The following MED27 variants were observed in gnomAD, a reference collection of about 807,000 sequenced individuals.
The protein encoded by MED27 is mediator of RNA polymerase II transcription subunit 27.
MED27 carries 30 observed loss-of-function variants against 38.2 expected under a neutral mutation model. The observed-to-expected ratio is 0.79, with a 90% CI of 0.59 to 1.07. The LOEUF (loss-of-function observed/expected upper bound fraction) is 1.07. MED27 is among the 50% of genes least tolerant of loss of function. The pLI is 0.00. For synonymous variants in MED27, 122 were observed against 153.5 expected, an observed-to-expected ratio of 0.79 and a Z score of 1.52; for missense variants, 289 against 397.5, an observed-to-expected ratio of 0.73 and a Z score of 2.32.
At chr9:131,967,969 C>A (rs1183280424) in intron 3 of MED27, among the ~76,000 whole-genome samples, 1 of 152,034 alleles carries the variant, frequency 6.6e-6, no homozygotes, top group Non-Finnish European at 1.5e-5. Context: ...AGGCATCCAC[C>A]ACCATGCCCA....
rs988341643 is a variant in MED27 at position 132,035,480 on chromosome 9, A to T, written c.349-21013T>A. The stretch of plus-strand genomic sequence containing the variant: ...AGTGACAAAAAGGAGGACCATGAAA[A>T]ACGCACAGGGAAGCAGATGGGGGGT... On this transcript the variant is annotated intron_variant, in intron 2 of 7. Coordinates refer to ENST00000292035, the MANE Select transcript of MED27 (RefSeq NM_004269.4). Among the ~76,000 whole-genome samples, 28 of 152,246 alleles carry T rather than the reference A, an allele frequency of 1.8e-4. 1 individual carries two copies. Among genetic ancestry groups the T allele is most frequent in the African/African-American group, 6.3e-4 (26 of 41,536 alleles).
chr9:132,067,215 A>G (rs1833827599), intron 2 of MED27, among the ~76,000 whole-genome samples: 1 of 152,386 alleles, frequency 6.6e-6, no homozygotes, highest in South Asian at 2.1e-4. Flanking sequence ...TGCTTAGAAC[A>G]GCCCTGTGAG....
At chr9:131,905,429 G>C (rs1830035766) in intron 4 of MED27, among the ~76,000 whole-genome samples, 1 of 152,204 alleles carries the variant, frequency 6.6e-6, no homozygotes, top group Non-Finnish European at 1.5e-5. Flanking sequence ...GCCACCCAAG[G>C]AAGCTGCTGT....
At chr9:131,874,018 C>A (rs1838880467) in intron 6 of MED27, among the ~76,000 whole-genome samples, 1 of 152,214 alleles carries the variant, frequency 6.6e-6, no homozygotes, top group Non-Finnish European at 1.5e-5. Context: ...GGCCACTCCA[C>A]AGCCACCTAC....
intron 2 of MED27, among the ~76,000 whole-genome samples, chr9:132,052,578 TA>T (rs11368029): frequency 0.96 from 144,356 of 150,634 alleles, 69,278 homozygotes; most frequent in East Asian, 0.99. Context: ...CTCTCTCTTT[TA>T]AAAAAAAAAT....
rs142938596 is a variant in MED27, at chr9:131,975,252, T to C, written c.480-35778A>G. 1.8e-3 allele frequency among the ~76,000 whole-genome samples: 281 copies of C among 152,314 alleles called. 3 individuals are homozygous for C. Among genetic ancestry groups the C allele is most frequent in the African/African-American group, 6.4e-3 (268 of 41,558 alleles). On this transcript the variant is annotated intron_variant, in intron 3 of 7. Coordinates refer to ENST00000292035, the MANE Select transcript of MED27 (RefSeq NM_004269.4). Reference sequence around the variant, plus strand: ...ATAAATAGCAGCTTAGCATTGTACCTCCACTATGAGAAGTTCACCTACTTC... The same window carrying C: ...ATAAATAGCAGCTTAGCATTGTACCCCCACTATGAGAAGTTCACCTACTTC...
intron 2 of MED27, among the ~76,000 whole-genome samples, chr9:132,043,916 C>T (rs1476521910): frequency 6.6e-6 from 1 of 152,206 alleles, no homozygotes; most frequent in Non-Finnish European, 1.5e-5. Flanking sequence ...CATCTCCATA[C>T]CCAGTGCTGA....
At chr9:131,884,762 C>G (rs1038010623) in intron 5 of MED27, among the ~76,000 whole-genome samples, 1 of 151,960 alleles carries the variant, frequency 6.6e-6, no homozygotes, top group African/African-American at 2.4e-5. Context: ...CGTGTGTCAC[C>G]ATGCCTGCTT....
intron 3 of MED27, among the ~76,000 whole-genome samples, chr9:131,999,531 T>G (rs774018657): frequency 2.6e-5 from 4 of 152,198 alleles, no homozygotes; most frequent in Non-Finnish European, 5.9e-5. Context: ...GCCTCTTTGC[T>G]GGTCCCCAAG....
chr9:131,860,752 G>A lies in MED27; in HGVS notation c.802-80C>T. The A allele has an allele frequency of 6.6e-7, 1 of 1,524,098 alleles. No individual in the cohort carries two copies. The highest frequency in any genetic ancestry group is 1.2e-5 in the South Asian group (1 of 82,882). 94.4% of individuals were successfully genotyped at this position (1,524,098 alleles called of 1,614,324 possible). On this transcript the variant is annotated intron_variant, in intron 7 of 7. Transcript: ENST00000292035. The surrounding 1 kb of genome is among the most constrained non-coding windows in gnomAD (Gnocchi z 5.8). ...GTCCTCCTTCCTATCAAGCCTAATG[G>A]CCCAGACAACTTAAGTTGGCTTTGG...
At chr9:132,076,982 C>T (rs998256611) in intron 2 of MED27, among the ~76,000 whole-genome samples, 2 of 152,164 alleles carry the variant, frequency 1.3e-5, no homozygotes, top group African/African-American at 2.4e-5. Context: ...ATCTAACAAA[C>T]GGTATTCTAG....
At chr9:132,014,538 C>A in intron 2 of MED27, 71 bp from the exon 3 acceptor site, 1 of 1,466,186 alleles carries the variant, frequency 6.8e-7, no homozygotes, top group Non-Finnish European at 9.3e-7. Context: ...TGGTATTAAA[C>A]TAGCAATGCT....
chr9:132,056,146 T>C (rs935840855), intron 2 of MED27, among the ~76,000 whole-genome samples: 1 of 152,212 alleles, frequency 6.6e-6, no homozygotes. Context: ...TCAAAATAAC[T>C]ATGGCATATT....
intron 4 of MED27, among the ~76,000 whole-genome samples, chr9:131,914,396 C>T (rs986411049): frequency 7.9e-5 from 12 of 152,200 alleles, no homozygotes; most frequent in Non-Finnish European, 1.6e-4. Flanking sequence ...TCTTCTGCCT[C>T]TCTGTGCAGT....
chr9:131,901,792 G>A (rs1354394350), intron 4 of MED27, among the ~76,000 whole-genome samples: 1 of 152,094 alleles, frequency 6.6e-6, no homozygotes, highest in Non-Finnish European at 1.5e-5. Context: ...CTTTGCTCTG[G>A]AACAAGGGCA....
At chr9:132,028,006 C>T (rs886764341) in intron 2 of MED27, among the ~76,000 whole-genome samples, 6 of 152,158 alleles carry the variant, frequency 3.9e-5, no homozygotes, top group Non-Finnish European at 8.8e-5. Context: ...GCAACCACAG[C>T]CATAGTAGAG....
chr9:131,887,868 C>T (rs931321282), intron 5 of MED27, among the ~76,000 whole-genome samples: 1 of 152,188 alleles, frequency 6.6e-6, no homozygotes, highest in Non-Finnish European at 1.5e-5. Flanking sequence ...CAGGAGCAGC[C>T]TCCTGGCCTC....
intron 3 of MED27, among the ~76,000 whole-genome samples, chr9:131,974,973 C>T (rs1273349739): frequency 2.6e-5 from 4 of 152,082 alleles, no homozygotes; most frequent in Admixed American, 6.5e-5. Context: ...AGTGGGTGTT[C>T]GATGGAACCT....
At chr9:132,048,417 C>T (rs1833387508) in intron 2 of MED27, among the ~76,000 whole-genome samples, 1 of 152,130 alleles carries the variant, frequency 6.6e-6, no homozygotes, top group African/African-American at 2.4e-5. Context: ...CATATCAGAC[C>T]ATTCCTCCTT....
Sources: allele counts gnomAD v4.1 joint callset (sites outside exome capture counted in the v4.1 genomes callset), GRCh38; gene constraint gnomAD v4.1.1; non-coding constraint Gnocchi (gnomAD v3.1); transcripts MANE v1.5; gene names NCBI Gene and HGNC (gene_info 2026-07-23, HGNC 2026-07-21).